Variants in PARD6A observed in about 807,000 individuals in gnomAD.
PARD6A encodes par-6 family cell polarity regulator alpha, also known as partitioning defective 6 homolog alpha.
Under a neutral mutation model 21.3 loss-of-function variants are expected in PARD6A, and 20 were observed. That is an observed-to-expected ratio of 0.94 (90% confidence interval 0.66 to 1.36). The LOEUF (loss-of-function observed/expected upper bound fraction) is 1.36, where lower values mean the gene tolerates loss of function less well. PARD6A is among the 40% of genes most tolerant of loss of function. The pLI, the probability that PARD6A is intolerant of heterozygous loss-of-function variation, is 0.00. For missense variants in PARD6A, 411 were observed against 482.0 expected, an observed-to-expected ratio of 0.85 and a Z score of 1.38; for synonymous variants, 214 against 204.8, an observed-to-expected ratio of 1.04 and a Z score of -0.38.
In PARD6A at chr16:67,661,699, A is replaced by G. The variant is rs368752643; in HGVS notation, c.286+22A>G. On this transcript the variant is annotated intron_variant, in intron 2 of 2. Transcript: ENST00000458121. The surrounding 1 kb of genome is among the most constrained non-coding windows in gnomAD (Gnocchi z 7.0). ...CGGGGTGAGGAGGGGTACAGTGGGCAGCCTCTGTGGGGTAAGGTGTCTGTG... is the reference window on the plus strand; with the variant it reads ...CGGGGTGAGGAGGGGTACAGTGGGCGGCCTCTGTGGGGTAAGGTGTCTGTG... 1.7e-5 allele frequency: 28 copies of G among 1,602,332 alleles called. No individual in the cohort carries two copies. Among genetic ancestry groups the G allele is most frequent in the Non-Finnish European group, 2.3e-5 (27 of 1,178,838 alleles).
At position 67,661,462 on chromosome 16, in the gene PARD6A, C is replaced by A; in HGVS notation, c.71C>A (p.Ala24Asp). 1 of 1,607,440 alleles carries A rather than the reference C, an allele frequency of 6.2e-7. No homozygotes were observed. The highest frequency in any genetic ancestry group is 8.5e-7 in the Non-Finnish European group (1 of 1,179,948). Residue 24 changes from alanine (A) to aspartate (D), a missense_variant, in exon 2 of 3, where the codon GCC (alanine) becomes GAC (aspartate). Ala to Asp is a moderately radical substitution (Grantham distance 126). Coordinates refer to ENST00000458121, the MANE Select transcript of PARD6A (RefSeq NM_001037281.2). The surrounding 1 kb of genome is among the most constrained non-coding windows in gnomAD (Gnocchi z 7.0). The stretch of plus-strand genomic sequence containing the variant: ...CCCAACCCCGACTTCCAGTTTGACG[C>A]CGAGTTCCGACGCTTCGCGCTGCCT... ...SIVEVKSKFDAEFRRFALPRA... is the reference protein window; with the variant it reads ...SIVEVKSKFDDEFRRFALPRA...
At position 67,662,252 on chromosome 16, in the gene PARD6A, C is replaced by G; in HGVS notation, c.643C>G (p.Leu215Val). 1 of 1,614,112 alleles carries G rather than the reference C, an allele frequency of 6.2e-7. No individual in the cohort carries two copies. The highest frequency in any genetic ancestry group is 8.5e-7 in the Non-Finnish European group (1 of 1,180,020). ...TGLLAVSDEI[L>V]EVNGIEVAGK... is the part of the protein sequence containing the mutation. ...GCTGCTGGCGGTCAGTGATGAGATC[C>G]TCGAGGTCAATGGCATTGAAGTAGC... Residue 215 changes from leucine (L) to valine (V), a missense_variant, in exon 3 of 3, where the codon CTC becomes GTC. By Grantham distance (32) the Leu-to-Val change is conservative. Coordinates refer to ENST00000458121, the MANE Select transcript of PARD6A (RefSeq NM_001037281.2). This position sits in a 1 kb window ranked among gnomAD's most constrained non-coding sequence, Gnocchi z 6.9.
chr16:67,662,278 CG>C lies in PARD6A; in HGVS notation c.672del (p.Lys225ArgfsTer6). 1 of 1,614,084 alleles carries C rather than the reference CG, an allele frequency of 6.2e-7. No homozygotes were observed. The highest frequency in any genetic ancestry group is 1.1e-5 in the South Asian group (1 of 91,084). ...TCGAGGTCAATGGCATTGAAGTAGC[CG>C]GGAAGACCTTGGACCAAGTGACGGA... ...ILEVNGIEVA[G>X]KTLDQVTDMM... On this transcript the variant is annotated frameshift_variant, in exon 3 of 3. Coordinates refer to ENST00000458121, the MANE Select transcript of PARD6A (RefSeq NM_001037281.2). LOFTEE classifies it high-confidence loss of function. This position sits in a 1 kb window ranked among gnomAD's most constrained non-coding sequence, Gnocchi z 6.9.
At position 67,662,511 on chromosome 16, in the gene PARD6A, C is replaced by G; in HGVS notation, c.902C>G (p.Pro301Arg). The G allele has an allele frequency of 6.2e-7, 1 of 1,613,448 alleles. No homozygotes were observed. Residue 301 changes from proline (P) to arginine (R), a missense_variant, in exon 3 of 3, where the codon CCC (proline) becomes CGC (arginine). Physicochemically the swap from Pro to Arg is moderately radical, Grantham distance 103. Transcript: ENST00000458121. The surrounding 1 kb of genome is among the most constrained non-coding windows in gnomAD (Gnocchi z 6.9). ...PPSSNGLSQG[P>R]PCWDLHPGCR... ...AGTTCCAATGGGCTGTCTCAGGGGC[C>G]CCCGTGCTGGGACCTGCACCCTGGC...
Position 67,661,811 on chromosome 16 carries a change from TAGGAAATAGCTAC to T in PARD6A, c.287-82_287-70del, listed in dbSNP as rs2053023184. The T allele has an allele frequency of 6.5e-7, 1 of 1,535,160 alleles. No homozygotes were observed. Among genetic ancestry groups the T allele is most frequent in the East Asian group, 2.3e-5 (1 of 44,438 alleles). On this transcript the variant is annotated intron_variant, in intron 2 of 2. Coordinates refer to ENST00000458121, the MANE Select transcript of PARD6A (RefSeq NM_001037281.2). This position sits in a 1 kb window ranked among gnomAD's most constrained non-coding sequence, Gnocchi z 7.0. ...TGCCCTTGGCTTGACCTCTAAGTGG[TAGGAAATAGCTAC>T]AGTGCCCCCTGTAAACAGCCCAAGT...
Position 67,661,231 on chromosome 16 carries a change from C to T in PARD6A, c.63+130C>T, listed in dbSNP as rs1211058953. On this transcript the variant is annotated intron_variant, in intron 1 of 2. Coordinates refer to ENST00000458121, the MANE Select transcript of PARD6A (RefSeq NM_001037281.2). This position sits in a 1 kb window ranked among gnomAD's most constrained non-coding sequence, Gnocchi z 7.0. Reference sequence around the variant, plus strand: ...ATTCTGCTTTTCTGCTCGCCTTCCCCCATCCGTCTTCCTTCCTCCACTGCT... The same window carrying T: ...ATTCTGCTTTTCTGCTCGCCTTCCCTCATCCGTCTTCCTTCCTCCACTGCT... The T allele has an allele frequency of 1.3e-5, 14 of 1,048,410 alleles. No individual in the cohort carries two copies. The highest frequency in any genetic ancestry group is 1.9e-5 in the Admixed American group (1 of 53,830). The allele number at this position is 1,048,410 out of a possible 1,614,324, so 64.9% of individuals were successfully genotyped here. A position where few individuals can be genotyped will look rare whatever the true frequency, so the allele number is the denominator to read the frequency against.
Position 67,661,679 on chromosome 16 carries a change from T to G in PARD6A, c.286+2T>G, listed in dbSNP as rs1597777599. On this transcript the variant is annotated splice_donor_variant, in intron 2 of 2. Coordinates refer to ENST00000458121, the MANE Select transcript of PARD6A (RefSeq NM_001037281.2). LOFTEE classifies it high-confidence loss of function. The surrounding 1 kb of genome is among the most constrained non-coding windows in gnomAD (Gnocchi z 7.0). ...TGCGCCTACTGGTGCAGAAGCGGGGTGAGGAGGGGTACAGTGGGCAGCCTC... is the reference window on the plus strand; with the variant it reads ...TGCGCCTACTGGTGCAGAAGCGGGGGGAGGAGGGGTACAGTGGGCAGCCTC... The G allele has an allele frequency of 6.2e-7, 1 of 1,605,998 alleles. No individual in the cohort carries two copies. The highest frequency in any genetic ancestry group is 8.5e-7 in the Non-Finnish European group (1 of 1,179,492).
chr16:67,661,276 C>T lies in PARD6A; in HGVS notation c.63+175C>T, dbSNP rs1219005260. On this transcript the variant is annotated intron_variant, in intron 1 of 2. Coordinates refer to ENST00000458121, the MANE Select transcript of PARD6A (RefSeq NM_001037281.2). This position sits in a 1 kb window ranked among gnomAD's most constrained non-coding sequence, Gnocchi z 7.0. ...ACTGCTGGTCTCCAGCTCTCTGTGG[C>T]CTGAGTACCTGGAGGGCGGTAAGAA... The T allele has an allele frequency of 9.8e-7, 1 of 1,022,588 alleles. No individual in the cohort carries two copies. Among genetic ancestry groups the T allele is most frequent in the East Asian group, 2.5e-5 (1 of 39,354 alleles). The allele number at this position is 1,022,588 out of a possible 1,614,324, so 63.3% of individuals were successfully genotyped here.
Position 67,661,484 on chromosome 16 carries a change from G to C in PARD6A, c.93G>C (p.Leu31=). 1 of 1,608,956 alleles carries C rather than the reference G, an allele frequency of 6.2e-7. No homozygotes were observed. ...ACGCCGAGTTCCGACGCTTCGCGCT[G>C]CCTCGCGCTTCGGTGAGCGGCTTCC... ...KFDAEFRRFA[L]PRASVSGFQE... Residue 31 remains leucine (L), a synonymous_variant, in exon 2 of 3, where the codon CTG becomes CTC. Transcript: ENST00000458121. This position sits in a 1 kb window ranked among gnomAD's most constrained non-coding sequence, Gnocchi z 7.0.
At position 67,661,416 on chromosome 16, in the gene PARD6A, C is replaced by T. The variant is rs1287691715; in HGVS notation, c.64-39C>T. ...GCCTGCGGTGAGAAAGGGGCGCAGG[C>T]TGTCCTGACTCCTCCTCTCCCCCAA... On this transcript the variant is annotated intron_variant, in intron 1 of 2. Transcript: ENST00000458121. This position sits in a 1 kb window ranked among gnomAD's most constrained non-coding sequence, Gnocchi z 7.0. 6.3e-7 allele frequency: 1 copy of T among 1,599,476 alleles called. No individual in the cohort carries two copies. Among genetic ancestry groups the T allele is most frequent in the Non-Finnish European group, 8.5e-7 (1 of 1,178,220 alleles).
Position 67,661,777 on chromosome 16 carries a change from T to C in PARD6A, c.286+100T>C. ...CCCAGGGTACCCAAGCGTCACCCTC[T>C]GCAGTCCCTGCCCTTGGCTTGACCT... On this transcript the variant is annotated intron_variant, in intron 2 of 2. Coordinates refer to ENST00000458121, the MANE Select transcript of PARD6A (RefSeq NM_001037281.2). This position sits in a 1 kb window ranked among gnomAD's most constrained non-coding sequence, Gnocchi z 7.0. 6.5e-7 allele frequency: 1 copy of C among 1,549,388 alleles called. No homozygotes were observed. The highest frequency in any genetic ancestry group is 8.7e-7 in the Non-Finnish European group (1 of 1,154,212).
At position 67,661,133 on chromosome 16, in the gene PARD6A, C is replaced by CT. The variant is rs1386251934; in HGVS notation, c.63+33dup. The CT allele has an allele frequency of 1.3e-6, 2 of 1,558,166 alleles. No homozygotes were observed. Among genetic ancestry groups the CT allele is most frequent in the Middle Eastern group, 3.4e-4 (2 of 5,958 alleles). Reference sequence around the variant, plus strand: ...GCTCCTCCGGCCTCGGCCCTAGGCGCTCCCAATTCCCTCTTTCTCCCCTTC... The same window carrying CT: ...GCTCCTCCGGCCTCGGCCCTAGGCGCTTCCCAATTCCCTCTTTCTCCCCTTC... On this transcript the variant is annotated intron_variant, in intron 1 of 2. Transcript: ENST00000458121. This position sits in a 1 kb window ranked among gnomAD's most constrained non-coding sequence, Gnocchi z 7.0.
At position 67,661,909 on chromosome 16, in the gene PARD6A, C is replaced by A. The variant is rs144160135; in HGVS notation, c.300C>A (p.Ser100Arg). 4.4e-5 allele frequency: 70 copies of A among 1,595,992 alleles called. No individual in the cohort carries two copies. The African/African-American group carries it at 7.1e-4, about 16-fold the overall frequency. Residue 100 changes from serine to arginine, a missense_variant, in exon 3 of 3, where the codon AGC (serine) becomes AGA (arginine). Coordinates refer to ENST00000458121, the MANE Select transcript of PARD6A (RefSeq NM_001037281.2). This position sits in a 1 kb window ranked among gnomAD's most constrained non-coding sequence, Gnocchi z 7.0. ...CTTCTGCAGCAGAAGCTGACTCCAG[C>A]GGCCTGGCTTTTGCCTCCAACTCTC... Reference protein sequence around the residue: ...LLVQKREADSSGLAFASNSLQ... With the variant: ...LLVQKREADSRGLAFASNSLQ...
rs940383511 is a variant in PARD6A at position 67,661,972 on chromosome 16, G to C, written c.363G>C (p.Val121=). 5 of 1,612,690 alleles carry C rather than the reference G, an allele frequency of 3.1e-6. No individual in the cohort carries two copies. Among genetic ancestry groups the C allele is most frequent in the Middle Eastern group, 1.6e-4 (1 of 6,062 alleles). ...AGAAAGGGCTCTTGCTGCGGCCAGT[G>C]GCACCCCTGCGCACCCGGCCACCCT... The part of the protein sequence containing the change: ...RRKKGLLLRP[V]APLRTRPPLL... Residue 121 remains valine, a synonymous_variant, in exon 3 of 3, where the codon GTG becomes GTC. Coordinates refer to ENST00000458121, the MANE Select transcript of PARD6A (RefSeq NM_001037281.2). This position sits in a 1 kb window ranked among gnomAD's most constrained non-coding sequence, Gnocchi z 7.0.
chr16:67,662,096 G>T lies in PARD6A; in HGVS notation c.487G>T (p.Gly163Cys), dbSNP rs1294908526. The T allele has an allele frequency of 1.2e-6, 2 of 1,613,830 alleles. No homozygotes were observed. The highest frequency in any genetic ancestry group is 8.5e-7 in the Non-Finnish European group (1 of 1,179,974). ...CCGACGGGTGCGGCTGCACAAGCAT[G>T]GTTCAGACCGCCCCCTGGGCTTCTA... Reference protein sequence around the residue: ...THRRVRLHKHGSDRPLGFYIR... With the variant: ...THRRVRLHKHCSDRPLGFYIR... Residue 163 changes from glycine to cysteine, a missense_variant, in exon 3 of 3, where the codon GGT (glycine) becomes TGT (cysteine). Gly to Cys is a radical substitution (Grantham distance 159). Transcript: ENST00000458121. This position sits in a 1 kb window ranked among gnomAD's most constrained non-coding sequence, Gnocchi z 6.9.
Position 67,661,412 on chromosome 16 carries a change from C to T in PARD6A, c.64-43C>T. On this transcript the variant is annotated intron_variant, in intron 1 of 2. Coordinates refer to ENST00000458121, the MANE Select transcript of PARD6A (RefSeq NM_001037281.2). The surrounding 1 kb of genome is among the most constrained non-coding windows in gnomAD (Gnocchi z 7.0). Reference sequence around the variant, plus strand: ...GCCAGCCTGCGGTGAGAAAGGGGCGCAGGCTGTCCTGACTCCTCCTCTCCC... The same window carrying T: ...GCCAGCCTGCGGTGAGAAAGGGGCGTAGGCTGTCCTGACTCCTCCTCTCCC... The T allele has an allele frequency of 6.3e-7, 1 of 1,597,406 alleles. No individual in the cohort carries two copies. The highest frequency in any genetic ancestry group is 8.5e-7 in the Non-Finnish European group (1 of 1,177,218).
At position 67,662,278 on chromosome 16, in the gene PARD6A, C is replaced by T. The variant is rs371862939; in HGVS notation, c.669C>T (p.Ala223=). 3.2e-5 allele frequency: 52 copies of T among 1,613,966 alleles called. No homozygotes were observed. In the East Asian group the frequency reaches 6.2e-4, roughly 19 times the overall value. ...TCGAGGTCAATGGCATTGAAGTAGC[C>T]GGGAAGACCTTGGACCAAGTGACGG... ...EILEVNGIEV[A]GKTLDQVTDM... Residue 223 remains alanine, a synonymous_variant, in exon 3 of 3, where the codon GCC becomes GCT. Transcript: ENST00000458121. This position sits in a 1 kb window ranked among gnomAD's most constrained non-coding sequence, Gnocchi z 6.9.
rs756735352 is a variant in PARD6A at position 67,662,065 on chromosome 16, G to A, written c.456G>A (p.Glu152=). 1 of 1,613,930 alleles carries A rather than the reference G, an allele frequency of 6.2e-7. No individual in the cohort carries two copies. The highest frequency in any genetic ancestry group is 8.5e-7 in the Non-Finnish European group (1 of 1,180,022). The change falls in exon 3 of 3, where the codon GAG becomes GAA. Residue 152 remains glutamate, a synonymous_variant. Transcript: ENST00000458121. The surrounding 1 kb of genome is among the most constrained non-coding windows in gnomAD (Gnocchi z 6.9). ...TCATAGACGTGGACCTACTGCCTGA[G>A]ACCCACCGACGGGTGCGGCTGCACA... ...SSVIDVDLLP[E]THRRVRLHKH...
chr16:67,661,770 C>G lies in PARD6A; in HGVS notation c.286+93C>G, dbSNP rs1040060418. 1 of 1,552,520 alleles carries G rather than the reference C, an allele frequency of 6.4e-7. No individual in the cohort carries two copies. The highest frequency in any genetic ancestry group is 1.8e-5 in the Admixed American group (1 of 55,244). On this transcript the variant is annotated intron_variant, in intron 2 of 2. Coordinates refer to ENST00000458121, the MANE Select transcript of PARD6A (RefSeq NM_001037281.2). The surrounding 1 kb of genome is among the most constrained non-coding windows in gnomAD (Gnocchi z 7.0). ...GTCCATGCCCAGGGTACCCAAGCGT[C>G]ACCCTCTGCAGTCCCTGCCCTTGGC...
Sources: gnomAD v4.1 joint callset for allele counts on GRCh38, gnomAD v4.1.1 for gene constraint, Gnocchi (gnomAD v3.1) non-coding constraint, MANE v1.5 for transcripts, NCBI Gene and HGNC (gene_info 2026-07-23, HGNC 2026-07-21) for gene names.